SMG6: variants seen among roughly 807,000 people sequenced by gnomAD.
SMG6 encodes the protein telomerase-binding protein EST1A.
SMG6 carries 66 observed loss-of-function variants against 142.2 expected under a neutral mutation model. The observed-to-expected ratio is 0.46, with a 90% confidence interval of 0.38 to 0.57. The LOEUF (loss-of-function observed/expected upper bound fraction) is 0.57, where lower values mean the gene tolerates loss of function less well. SMG6 is among the 20% of genes least tolerant of loss of function. The pLI is 0.00. For missense variants in SMG6, 1,793 were observed against 1,832.0 expected, an observed-to-expected ratio of 0.98 and a Z score of 0.39; for synonymous variants, 779 against 702.4, an observed-to-expected ratio of 1.11 and a Z score of -1.72.
At chr17:2,242,828 C>T (rs1160333048) in intron 9 of SMG6, among the ~76,000 whole-genome samples, 1 of 152,022 alleles carries the variant, frequency 6.6e-6, no homozygotes, top group African/African-American at 2.4e-5. Context: ...TCTTATCCAC[C>T]TTCAACCTTG....
At chr17:2,260,634 CTAATT>C (rs1278417781) in intron 8 of SMG6, among the ~76,000 whole-genome samples, 1 of 152,140 alleles carries the variant, frequency 6.6e-6, no homozygotes, top group Non-Finnish European at 1.5e-5. Context: ...TAACTTCTTC[CTAATT>C]TATTTAAAAT....
chr17:2,087,641 T>A, intron 13 of SMG6: 1 of 997,012 alleles, frequency 1.0e-6, no homozygotes, highest in Non-Finnish European at 1.2e-6. Context: ...AAGGGAAGCT[T>A]GTCTTGGCCC....
chr17:2,073,383 G>GT (rs1443738289), intron 15 of SMG6, among the ~76,000 whole-genome samples: 1 of 151,516 alleles, frequency 6.6e-6, no homozygotes, highest in Non-Finnish European at 1.5e-5. Context: ...TGTGCCCAGC[G>GT]TTTTTTTGTT....
intron 13 of SMG6, among the ~76,000 whole-genome samples, chr17:2,116,870 G>T (rs967732188): frequency 2.7e-5 from 4 of 150,902 alleles, no homozygotes; most frequent in African/African-American, 7.3e-5. Flanking sequence ...AAATCAGTAA[G>T]AAAAAAGACA....
At chr17:2,121,587 CTGTG>C (rs71150850) in intron 13 of SMG6, among the ~76,000 whole-genome samples, 1,735 of 139,670 alleles carry the variant, frequency 0.012, 22 homozygotes, top group South Asian at 0.021. Flanking sequence ...ACATGTCTGT[CTGTG>C]TGTGTGTGTG....
At chr17:2,142,516 A>G (rs1280193124) in intron 13 of SMG6, among the ~76,000 whole-genome samples, 2 of 135,290 alleles carry the variant, frequency 1.5e-5, no homozygotes, top group African/African-American at 3.0e-5. Context: ...CTACAACTCA[A>G]TGTAATCTTT....
intron 8 of SMG6, chr17:2,255,615 C>A: frequency 6.2e-6 from 1 of 160,570 alleles, no homozygotes; most frequent in Non-Finnish European, 1.3e-5. Context: ...TGGGGGGCAC[C>A]TCTGCCCGGC....
chr17:2,297,139 T>C, intron 4 of SMG6, 104 bp downstream of exon 4: 3 of 752,764 alleles, frequency 4.0e-6, no homozygotes, highest in Non-Finnish European at 6.6e-6. Flanking sequence ...ACTGTATCAT[T>C]ATTTTATCCT....
At chr17:2,117,394 C>T (rs1401428095) in intron 13 of SMG6, among the ~76,000 whole-genome samples, 3 of 151,952 alleles carry the variant, frequency 2.0e-5, no homozygotes, top group African/African-American at 4.8e-5. Context: ...TTGTTTAACA[C>T]AAAAAATCCC....
At chr17:2,160,202 G>A (rs1567647209) in intron 13 of SMG6, among the ~76,000 whole-genome samples, 1 of 151,988 alleles carries the variant, frequency 6.6e-6, no homozygotes, top group Non-Finnish European at 1.5e-5. Context: ...ATGAAGTAAA[G>A]GTATTAACTA....
rs369639916 is a variant in SMG6, at chr17:2,297,651, G to A, written c.2040+212C>T. Among the ~76,000 whole-genome samples, 51 of 152,000 alleles carry A rather than the reference G, an allele frequency of 3.4e-4. 1 individual carries two copies. In the South Asian group the frequency reaches 9.6e-3, roughly 29 times the overall value. On this transcript the variant is annotated intron_variant, in intron 3 of 18. Coordinates refer to ENST00000263073, the MANE Select transcript of SMG6 (RefSeq NM_017575.5). Reference sequence around the variant, plus strand: ...CTCATTCTCTCTCTTTTAGGCCAAGGCATTCAGAAAGCTTTCAACCTCAAA... The same window carrying A: ...CTCATTCTCTCTCTTTTAGGCCAAGACATTCAGAAAGCTTTCAACCTCAAA...
chr17:2,097,302 G>A (rs1023877193), intron 13 of SMG6, among the ~76,000 whole-genome samples: 6 of 151,752 alleles, frequency 4.0e-5, no homozygotes, highest in African/African-American at 1.5e-4. Context: ...CCACAGGTGC[G>A]AGCCACCACA....
At chr17:2,195,525 C>T (rs961684489) in intron 10 of SMG6, among the ~76,000 whole-genome samples, 1 of 152,230 alleles carries the variant, frequency 6.6e-6, no homozygotes, top group African/African-American at 2.4e-5. Flanking sequence ...TATGTCAAGA[C>T]TTCACATCCT....
chr17:2,232,378 G>C (rs1370393851), intron 10 of SMG6, among the ~76,000 whole-genome samples: 2 of 152,142 alleles, frequency 1.3e-5, no homozygotes, highest in African/African-American at 4.8e-5. Context: ...TCAGGCTCAG[G>C]AATGCCTTAG....
At chr17:2,283,873 A>G (rs1219003258) in intron 6 of SMG6, 138 bp from the exon 7 acceptor site, 14 of 647,898 alleles carry the variant, frequency 2.2e-5, no homozygotes, top group Non-Finnish European at 3.6e-5. Flanking sequence ...AAAATCAGAA[A>G]TGCTATCCAC....
At chr17:2,133,901 G>T (rs1197512985) in intron 13 of SMG6, among the ~76,000 whole-genome samples, 1 of 152,122 alleles carries the variant, frequency 6.6e-6, no homozygotes, top group East Asian at 1.9e-4. Context: ...ACCATCTTGG[G>T]ATGGGACCAC....
intron 13 of SMG6, among the ~76,000 whole-genome samples, chr17:2,146,905 T>C (rs1567635930): frequency 1.3e-5 from 2 of 152,176 alleles, no homozygotes; most frequent in African/African-American, 4.8e-5. Flanking sequence ...AGTGCTTTCA[T>C]AGAGCTGATC....
intron 13 of SMG6, among the ~76,000 whole-genome samples, chr17:2,137,919 T>C: frequency 6.6e-6 from 1 of 152,208 alleles, no homozygotes; most frequent in East Asian, 1.9e-4. Context: ...TAGGCCTCAC[T>C]GGCTCTTCCT....
At chr17:2,283,356 A>G (rs2151380431) in intron 7 of SMG6, among the ~76,000 whole-genome samples, 1 of 152,296 alleles carries the variant, frequency 6.6e-6, no homozygotes, top group South Asian at 2.1e-4. Context: ...GAGCACGTAC[A>G]TGTACATCCA....
Sources: gnomAD v4.1 joint callset for allele counts (sites outside exome capture counted in the v4.1 genomes callset) on GRCh38, gnomAD v4.1.1 for gene constraint, MANE v1.5 for transcripts, NCBI Gene and HGNC (gene_info 2026-07-23, HGNC 2026-07-21) for gene names.